The following DUS1L variants were observed in gnomAD, a reference collection of about 807,000 sequenced individuals.
The protein encoded by DUS1L is tRNA-dihydrouridine(16/17) synthase [NAD(P)(+)]-like.
Under a neutral mutation model 61.2 loss-of-function variants are expected in DUS1L, and 56 were observed. That is an observed-to-expected ratio of 0.92 (90% CI 0.74 to 1.14). The LOEUF (loss-of-function observed/expected upper bound fraction) is 1.14, where lower values mean the gene tolerates loss of function less well. Ranked by LOEUF, DUS1L falls within the 50% of genes most tolerant of loss-of-function variation. DUS1L has a pLI of 0.00. For synonymous variants in DUS1L, 278 were observed against 259.5 expected (o/e 1.07, Z -0.69); for missense variants, 630 against 632.4 (o/e 1.00, Z 0.04).
chr17:82,061,299 T>A lies in DUS1L; in HGVS notation c.752A>T (p.Glu251Val). 1 of 1,610,784 alleles carries A rather than the reference T, an allele frequency of 6.2e-7. No homozygotes were observed. The highest frequency in any genetic ancestry group is 1.1e-5 in the South Asian group (1 of 90,888). Reference protein sequence around the residue: ...LFEGRSPAVWELAEEYLDIVR... With the variant: ...LFEGRSPAVWVLAEEYLDIVR... ...GATGTCCAGATACTCCTCGGCCAGC[T>A]CCCACACGGCAGGGCTCCGGCCCTC... Residue 251 changes from glutamate to valine, a missense_variant, in exon 8 of 14, where the codon GAG becomes GTG. Coordinates refer to ENST00000306796, the MANE Select transcript of DUS1L (RefSeq NM_022156.5).
At chr17:82,060,375 A>G (rs2033421123) in intron 10 of DUS1L, 1 of 579,294 alleles carries the variant, frequency 1.7e-6, no homozygotes, top group Non-Finnish European at 3.1e-6. Flanking sequence ...AACCCAGCAG[A>G]AGCTGGGGTC....
At chr17:82,058,494 C>T (rs774989848) in intron 12 of DUS1L, 78 bp from the exon 13 acceptor site, 8 of 1,470,192 alleles carry the variant, frequency 5.4e-6, no homozygotes, top group South Asian at 4.4e-5. Context: ...AGCAGCCCCA[C>T]TGGGGAAGCC....
At chr17:82,060,206 T>C in intron 10 of DUS1L, 113 bp from the exon 11 acceptor site, 2 of 1,373,548 alleles carry the variant, frequency 1.5e-6, no homozygotes, top group Non-Finnish European at 1.9e-6. Flanking sequence ...CGAGTGCCGC[T>C]GCTGTGAGGA....
intron 5 of DUS1L, 22 bp downstream of exon 5, chr17:82,062,839 C>T (rs772296605): frequency 5.6e-6 from 9 of 1,596,690 alleles, no homozygotes; most frequent in Non-Finnish European, 6.0e-6. Flanking sequence ...GCCCATGACA[C>T]CCCCGCGAGC....
chr17:82,059,716 C>T (rs544303903), intron 11 of DUS1L: 2 of 586,962 alleles, frequency 3.4e-6, no homozygotes, highest in South Asian at 4.6e-5. Context: ...TGTCCCATAG[C>T]CTCATCTGAT....
Position 82,064,990 on chromosome 17 carries a change from T to TGG in DUS1L, c.68_69dup (p.Met24ProfsTer13). The TGG allele has an allele frequency of 6.2e-7, 1 of 1,611,718 alleles. No individual in the cohort carries two copies. Among genetic ancestry groups the TGG allele is most frequent in the Non-Finnish European group, 8.5e-7 (1 of 1,179,270 alleles). On this transcript the variant is annotated frameshift_variant, in exon 2 of 14. Coordinates refer to ENST00000306796, the MANE Select transcript of DUS1L (RefSeq NM_022156.5). LOFTEE classifies it high-confidence loss of function. ...CAGGCCAGCTCGCTCTGGTCCACCA[T>TGG]GGGGGCCACGACGTGGCGGGCCCCT... is the stretch of plus-strand genomic sequence containing the variant.
intron 4 of DUS1L, 125 bp from the exon 5 acceptor site, chr17:82,063,098 C>T (rs4531805): frequency 0.17 from 132,883 of 798,336 alleles, 13,702 homozygotes; most frequent in Non-Finnish European, 0.21. Flanking sequence ...TGGGAGGCAG[C>T]CCGGGCCACC....
At chr17:82,059,661 C>A (rs752759322) in intron 11 of DUS1L, 1 of 445,846 alleles carries the variant, frequency 2.2e-6, no homozygotes, top group Non-Finnish European at 4.0e-6. Flanking sequence ...GCCGCAGGGA[C>A]CCGAGGCCCT....
Position 82,057,962 on chromosome 17 carries a change from G to C in DUS1L, c.*153C>G. The stretch of plus-strand genomic sequence containing the variant: ...TCCAGCCTGGGGCCTGCTCCCCACT[G>C]CAGCATTTCCAGGCCCCCAGAGTGG... On this transcript the variant is annotated 3_prime_UTR_variant, in exon 14 of 14. Coordinates refer to ENST00000306796, the MANE Select transcript of DUS1L (RefSeq NM_022156.5). 2.1e-6 allele frequency: 2 copies of C among 970,938 alleles called. No homozygotes were observed. 60.1% of individuals were successfully genotyped at this position (970,938 alleles called of 1,614,324 possible). A position where few individuals can be genotyped will look rare whatever the true frequency, so the allele number is the denominator to read the frequency against.
At position 82,061,901 on chromosome 17, in the gene DUS1L, C is replaced by T. The variant is rs778657338; in HGVS notation, c.593G>A (p.Arg198Gln). 8.7e-6 allele frequency: 14 copies of T among 1,607,598 alleles called. No homozygotes were observed. Among genetic ancestry groups the T allele is most frequent in the Admixed American group, 3.3e-5 (2 of 59,724 alleles). ...GGCTGTGTCACCCACACCCACTCAC[C>T]GCACAGCCTTGATATGCTCCCAGGA... The part of the protein sequence containing the change: ...AASWEHIKAV[R>Q]KAVAIPVFAN... Residue 198 changes from arginine (R) to glutamine (Q), a missense_variant and splice_region_variant, in exon 6 of 14, where the codon CGG becomes CAG. Transcript: ENST00000306796.
intron 3 of DUS1L, 93 bp from the exon 4 acceptor site, chr17:82,063,611 G>A (rs748409246): frequency 6.5e-6 from 10 of 1,535,564 alleles, no homozygotes; most frequent in South Asian, 2.3e-5. Flanking sequence ...CTGCATCCAC[G>A]CAGGCCAGGA....
At chr17:82,060,528 G>T (rs2144726249) in intron 10 of DUS1L, 173 bp downstream of exon 10, 1 of 762,556 alleles carries the variant, frequency 1.3e-6, no homozygotes, top group Non-Finnish European at 2.1e-6. Flanking sequence ...ACACCGAGGG[G>T]CACGTGGAAG....
intron 5 of DUS1L, 143 bp from the exon 6 acceptor site, chr17:82,062,126 T>C: frequency 1.4e-6 from 1 of 693,774 alleles, no homozygotes; most frequent in South Asian, 2.1e-5. Context: ...CATGCCCGAC[T>C]GCAGGGACCT....
At chr17:82,059,557 G>A (rs2033352221) in intron 11 of DUS1L, 1 of 197,920 alleles carries the variant, frequency 5.1e-6, no homozygotes, top group East Asian at 1.2e-4. Context: ...CCGTGCCTTT[G>A]GCCCAGCAAC....
intron 4 of DUS1L, 187 bp downstream of exon 4, chr17:82,063,281 G>A (rs1038118266): frequency 2.6e-6 from 2 of 780,244 alleles, no homozygotes; most frequent in Admixed American, 2.2e-5. Flanking sequence ...GGTGGGTGGT[G>A]CAGGACAGGC....
At chr17:82,060,597 G>T in intron 10 of DUS1L, 104 bp downstream of exon 10, 1 of 1,419,836 alleles carries the variant, frequency 7.0e-7, no homozygotes, top group Non-Finnish European at 9.5e-7. Context: ...GGAGATGACT[G>T]ACCATAATGG....
At chr17:82,062,997 T>C in intron 4 of DUS1L, 24 bp from the exon 5 acceptor site, 1 of 1,592,062 alleles carries the variant, frequency 6.3e-7, no homozygotes, top group African/African-American at 1.3e-5. Flanking sequence ...AGGCAGCTTC[T>C]GAGGGGGCCA....
Position 82,062,939 on chromosome 17 carries a change from G to A in DUS1L, c.432C>T (p.Val144=). 4 of 1,613,056 alleles carry A rather than the reference G, an allele frequency of 2.5e-6. No individual in the cohort carries two copies. The highest frequency in any genetic ancestry group is 3.4e-6 in the Non-Finnish European group (4 of 1,179,940). The change falls in exon 5 of 14, where the codon GTC becomes GTT. Residue 144 remains valine (V), a synonymous_variant. Transcript: ENST00000306796. ...CCGGGAAGACACGGATTTTGCACGT[G>A]ACAGGAACAGAGAGTTTCTCGTGGG... is the stretch of plus-strand genomic sequence containing the variant. ...LLAHEKLSVP[V]TCKIRVFPEI...
chr17:82,058,963 G>A, intron 11 of DUS1L, 145 bp from the exon 12 acceptor site: 1 of 747,904 alleles, frequency 1.3e-6, no homozygotes, highest in South Asian at 1.5e-5. Flanking sequence ...GAGGGCAGAG[G>A]ATGCAGGCTG....
Sources: allele counts gnomAD v4.1 joint callset, GRCh38; gene constraint gnomAD v4.1.1; transcripts MANE v1.5; gene names NCBI Gene and HGNC (gene_info 2026-07-23, HGNC 2026-07-21).